RASAL2: variants seen among roughly 807,000 people sequenced by gnomAD.
RASAL2 encodes RAS protein activator like 2, also known as ras GTPase-activating protein nGAP.
In RASAL2, 58 loss-of-function variants were observed where a neutral mutation model predicts 128.9. That is an observed-to-expected ratio of 0.45 (90% CI 0.36 to 0.56). The LOEUF (loss-of-function observed/expected upper bound fraction) is 0.56. Ranked by LOEUF, RASAL2 falls within the 20% of genes least tolerant of loss-of-function variation. The pLI is 0.00. For synonymous variants in RASAL2, 561 were observed against 580.8 expected (o/e 0.97, Z 0.49); for missense variants, 1,360 against 1,601.6 (o/e 0.85, Z 2.57).
At chr1:178,355,185 ACT>A (rs1670735636) in intron 3 of RASAL2, among the ~76,000 whole-genome samples, 1 of 152,084 alleles carries the variant, frequency 6.6e-6, no homozygotes, top group African/African-American at 2.4e-5. Context: ...ATAGCCAAAA[ACT>A]CTTTTAGAAA....
intron 3 of RASAL2, among the ~76,000 whole-genome samples, chr1:178,318,886 T>C (rs1342772003): frequency 5.9e-5 from 9 of 152,142 alleles, no homozygotes; most frequent in Admixed American, 2.0e-4. Flanking sequence ...TTCTGCCTAG[T>C]CTCGATGGTC....
chr1:178,343,760 A>T (rs1206457655), intron 3 of RASAL2, among the ~76,000 whole-genome samples: 1 of 152,154 alleles, frequency 6.6e-6, no homozygotes, highest in East Asian at 1.9e-4. Flanking sequence ...CTGAAAACAA[A>T]TGTCAGATTA....
chr1:178,201,553 T>C (rs1662870044), intron 1 of RASAL2, among the ~76,000 whole-genome samples: 1 of 152,224 alleles, frequency 6.6e-6, no homozygotes, highest in South Asian at 2.1e-4. Context: ...CTGTGGGAAC[T>C]GCAGTCGTTC....
chr1:178,139,085 T>G (rs1164781821), intron 1 of RASAL2, among the ~76,000 whole-genome samples: 2 of 152,052 alleles, frequency 1.3e-5, no homozygotes, highest in African/African-American at 4.8e-5. Context: ...TTGAGGGTGG[T>G]AAAAGTAGAA....
Position 178,423,387 on chromosome 1 carries a change from A to G in RASAL2, c.674+2767A>G, listed in dbSNP as rs954881676. Among the ~76,000 whole-genome samples, 26 of 152,284 alleles carry G rather than the reference A, an allele frequency of 1.7e-4. 1 individual carries two copies. The highest frequency in any genetic ancestry group is 1.4e-3 in the Admixed American group (21 of 15,290). The stretch of plus-strand genomic sequence containing the variant: ...GGACCTTTCCCACCAACAAATTGAG[A>G]TTACTTTTATCCTTCAGACAACCTT... On this transcript the variant is annotated intron_variant, in intron 5 of 17. Coordinates refer to ENST00000367649, the MANE Select transcript of RASAL2 (RefSeq NM_170692.4).
chr1:178,404,219 C>A (rs1208698201), intron 4 of RASAL2, among the ~76,000 whole-genome samples: 3 of 146,108 alleles, frequency 2.1e-5, no homozygotes, highest in Non-Finnish European at 3.0e-5. Context: ...GTGCGAGACC[C>A]CGTCTCAAAA....
chr1:178,122,208 C>T (rs1275137923), intron 1 of RASAL2, among the ~76,000 whole-genome samples: 1 of 152,104 alleles, frequency 6.6e-6, no homozygotes, highest in African/African-American at 2.4e-5. Context: ...GCATTAAAAT[C>T]GGTTTGGTAT....
intron 3 of RASAL2, among the ~76,000 whole-genome samples, chr1:178,312,301 A>G (rs1237761441): frequency 6.6e-6 from 1 of 152,202 alleles, no homozygotes; most frequent in Non-Finnish European, 1.5e-5. Context: ...CCTGCAAAAA[A>G]AGGGAAATTG....
At chr1:178,397,772 ATTTT>A (rs11358360) in intron 4 of RASAL2, among the ~76,000 whole-genome samples, 1 of 142,506 alleles carries the variant, frequency 7.0e-6, no homozygotes, top group African/African-American at 2.6e-5. Context: ...TACCTGGCTA[ATTTT>A]TTTTTTTTTT....
At chr1:178,145,819 T>G (rs1004016569) in intron 1 of RASAL2, among the ~76,000 whole-genome samples, 1 of 152,182 alleles carries the variant, frequency 6.6e-6, no homozygotes, top group Admixed American at 6.5e-5. Flanking sequence ...AGTGGATCAA[T>G]GACTCCACCC....
chr1:178,177,187 C>T lies in RASAL2; in HGVS notation c.202+82493C>T, dbSNP rs545505357. The stretch of plus-strand genomic sequence containing the variant: ...TTGGAAAAACATAAGGCCTGAATTA[C>T]GTGTTTGGAGTTTAATACTTTCGAA... On this transcript the variant is annotated intron_variant, in intron 1 of 17. Coordinates refer to ENST00000367649, the MANE Select transcript of RASAL2 (RefSeq NM_170692.4). Among the ~76,000 whole-genome samples, 4 of 152,250 alleles carry T rather than the reference C, an allele frequency of 2.6e-5. No homozygotes were observed. The South Asian group carries it at 8.3e-4, about 32-fold the overall frequency.
chr1:178,161,348 T>C (rs906159134), intron 1 of RASAL2, among the ~76,000 whole-genome samples: 8 of 152,218 alleles, frequency 5.3e-5, no homozygotes, highest in Non-Finnish European at 1.2e-4. Context: ...ACCTATTCTG[T>C]ACTTTTCACA....
intron 1 of RASAL2, among the ~76,000 whole-genome samples, chr1:178,152,988 A>G (rs759057210): frequency 1.3e-5 from 2 of 152,188 alleles, no homozygotes; most frequent in Non-Finnish European, 2.9e-5. Context: ...ATAGATATTT[A>G]TTTCCCCTAT....
intron 1 of RASAL2, among the ~76,000 whole-genome samples, chr1:178,215,538 A>G (rs1015203096): frequency 6.6e-6 from 1 of 152,230 alleles, no homozygotes; most frequent in Non-Finnish European, 1.5e-5. Flanking sequence ...ACCAGCTAGT[A>G]TTACTTATGA....
chr1:178,117,018 A>T (rs576709900), intron 1 of RASAL2, among the ~76,000 whole-genome samples: 24 of 152,362 alleles, frequency 1.6e-4, no homozygotes, highest in African/African-American at 5.3e-4. Context: ...ACATTCATAC[A>T]TAATATATCT....
intron 3 of RASAL2, among the ~76,000 whole-genome samples, chr1:178,380,055 T>G (rs1176470113): frequency 1.3e-5 from 2 of 152,096 alleles, no homozygotes; most frequent in Non-Finnish European, 2.9e-5. Context: ...CCCAGCTAAT[T>G]TTTGTATTTT....
In RASAL2 at chr1:178,144,941, AT is replaced by A. The variant is rs528586514; in HGVS notation, c.202+50250del. On this transcript the variant is annotated intron_variant, in intron 1 of 17. Transcript: ENST00000367649. Reference sequence around the variant, plus strand: ...CAGGAGTTAGGTTAGAACTGCTATTATTTAGTATCCTTTTGCTATTACCTGA... The same window carrying A: ...CAGGAGTTAGGTTAGAACTGCTATTATTAGTATCCTTTTGCTATTACCTGA... Among the ~76,000 whole-genome samples the A allele has an allele frequency of 1.4e-4, 21 of 152,318 alleles. No individual in the cohort carries two copies. In the South Asian group the frequency reaches 2.7e-3, roughly 20 times the overall value.
intron 1 of RASAL2, among the ~76,000 whole-genome samples, chr1:178,221,920 T>A (rs1663627785): frequency 6.6e-6 from 1 of 152,220 alleles, no homozygotes; most frequent in African/African-American, 2.4e-5. Flanking sequence ...AATTTTTGCT[T>A]CCTATCTCTT....
chr1:178,356,309 G>T (rs1670809197), intron 3 of RASAL2, among the ~76,000 whole-genome samples: 1 of 152,006 alleles, frequency 6.6e-6, no homozygotes, highest in Non-Finnish European at 1.5e-5. Context: ...GTAAAAACTT[G>T]TACAGTTTCA....
Sources: allele counts gnomAD v4.1 joint callset (sites outside exome capture counted in the v4.1 genomes callset), GRCh38; gene constraint gnomAD v4.1.1; transcripts MANE v1.5; gene names NCBI Gene and HGNC (gene_info 2026-07-23, HGNC 2026-07-21).